The following ALK variants were observed in gnomAD, a reference collection of about 807,000 sequenced individuals.
ALK encodes ALK receptor tyrosine kinase.
A neutral mutation model predicts 163.1 loss-of-function variants in ALK; 74 were observed. The ratio of observed to expected loss-of-function variants is 0.45; its 90% CI spans 0.38 to 0.55. The LOEUF (loss-of-function observed/expected upper bound fraction) is 0.55, where lower values mean the gene tolerates loss of function less well. Among genes scored for constraint, ALK ranks in the 20% least tolerant of loss-of-function variants. The pLI, the probability that ALK is intolerant of heterozygous loss-of-function variation, is 0.00. For synonymous variants in ALK, 960 were observed against 843.2 expected (o/e 1.14, Z -2.40); for missense variants, 2,063 against 2,105.3 (o/e 0.98, Z 0.39).
At chr2:29,513,182 A>G (rs1302028410) in intron 4 of ALK, among the ~76,000 whole-genome samples, 6 of 147,636 alleles carry the variant, frequency 4.1e-5, no homozygotes, top group Admixed American at 6.8e-5. Context: ...AAAAGAGCCC[A>G]CATCGCCAAG....
At chr2:29,310,874 CAG>C (rs1666676796) in intron 8 of ALK, among the ~76,000 whole-genome samples, 1 of 152,168 alleles carries the variant, frequency 6.6e-6, no homozygotes, top group African/African-American at 2.4e-5. Flanking sequence ...CTTTGACACA[CAG>C]GGGATTCTCA....
At position 29,599,841 on chromosome 2, in the gene ALK, C is replaced by T. The variant is rs140830064; in HGVS notation, c.953-67725G>A. On this transcript the variant is annotated intron_variant, in intron 3 of 28. Coordinates refer to ENST00000389048, the MANE Select transcript of ALK (RefSeq NM_004304.5). ...CAAAAGGAACATCAAATGGGCAATA[C>T]GCCAATGCTCTTTGCCTGTAGTAAG... 7.0e-3 allele frequency among the ~76,000 whole-genome samples: 1,067 copies of T among 152,288 alleles called. 11 individuals are homozygous for T. Among genetic ancestry groups the T allele is most frequent in the South Asian group, 0.042 (202 of 4,820 alleles).
rs1573511477 is a variant in ALK at position 29,629,143 on chromosome 2, T to C, written c.952+65707A>G. On this transcript the variant is annotated intron_variant, in intron 3 of 28. Coordinates refer to ENST00000389048, the MANE Select transcript of ALK (RefSeq NM_004304.5). ...GGGTCATATCTAGACCTGAACACCG[T>C]TGGAGACTCGCTTTCCTCACACATG... Among the ~76,000 whole-genome samples, 10 of 152,220 alleles carry C rather than the reference T, an allele frequency of 6.6e-5. No individual in the cohort carries two copies. The South Asian group carries it at 2.1e-3, about 31-fold the overall frequency.
intron 1 of ALK, among the ~76,000 whole-genome samples, chr2:29,811,340 G>A (rs754415245): frequency 2.4e-4 from 37 of 152,082 alleles, no homozygotes; most frequent in Non-Finnish European, 4.4e-4. Context: ...GGTCTCTCCC[G>A]TGAATACTTA....
intron 3 of ALK, among the ~76,000 whole-genome samples, chr2:29,576,796 C>G (rs978853189): frequency 3.3e-5 from 5 of 151,918 alleles, no homozygotes. Flanking sequence ...ACTGCACATT[C>G]GGGGGATCTA....
At chr2:29,468,401 C>A (rs1194482568) in intron 4 of ALK, among the ~76,000 whole-genome samples, 1 of 152,120 alleles carries the variant, frequency 6.6e-6, no homozygotes. Flanking sequence ...ATGCTGAGCA[C>A]TTGGGAGATT....
chr2:29,310,187 T>C (rs1006168768), intron 8 of ALK, among the ~76,000 whole-genome samples: 3 of 152,230 alleles, frequency 2.0e-5, no homozygotes, highest in Middle Eastern at 3.4e-3. Flanking sequence ...ATAGATTTGG[T>C]TGGGGAGTTG....
intron 3 of ALK, among the ~76,000 whole-genome samples, chr2:29,593,007 T>G (rs917281660): frequency 1.3e-5 from 2 of 152,226 alleles, no homozygotes; most frequent in East Asian, 3.8e-4. Flanking sequence ...TGCGGTCATT[T>G]GTTGTGGCAG....
intron 1 of ALK, among the ~76,000 whole-genome samples, chr2:29,836,759 T>C (rs1351517374): frequency 2.0e-5 from 3 of 152,208 alleles, no homozygotes; most frequent in Non-Finnish European, 4.4e-5. Context: ...ACATGGTTGG[T>C]TGGAGAAACC....
At chr2:29,543,861 C>T (rs1042164696) in intron 3 of ALK, among the ~76,000 whole-genome samples, 3 of 152,120 alleles carry the variant, frequency 2.0e-5, no homozygotes, top group African/African-American at 7.2e-5. Context: ...TGATAGTTCT[C>T]TATTTAATAT....
chr2:29,710,919 A>C (rs1679078534), intron 2 of ALK, among the ~76,000 whole-genome samples: 1 of 152,128 alleles, frequency 6.6e-6, no homozygotes, highest in African/African-American at 2.4e-5. Flanking sequence ...TCTTGAAGGC[A>C]TTTCAAATGT....
At chr2:29,775,256 C>T (rs778989217) in intron 1 of ALK, among the ~76,000 whole-genome samples, 1 of 152,184 alleles carries the variant, frequency 6.6e-6, no homozygotes, top group Admixed American at 6.5e-5. Context: ...TCCCTTCCAA[C>T]TCTCAGGTCT....
intron 3 of ALK, among the ~76,000 whole-genome samples, chr2:29,586,789 A>G (rs961239759): frequency 6.6e-6 from 1 of 152,198 alleles, no homozygotes; most frequent in Non-Finnish European, 1.5e-5. Context: ...ACAGGACTCA[A>G]ATTTCACCTT....
intron 11 of ALK, among the ~76,000 whole-genome samples, chr2:29,265,045 A>T (rs1665183757): frequency 6.6e-6 from 1 of 151,876 alleles, no homozygotes; most frequent in East Asian, 1.9e-4. Flanking sequence ...TTTGAGACAG[A>T]GTCTTGCCCT....
At chr2:29,482,447 G>A (rs975204870) in intron 4 of ALK, among the ~76,000 whole-genome samples, 2 of 152,136 alleles carry the variant, frequency 1.3e-5, no homozygotes, top group African/African-American at 4.8e-5. Context: ...CTACATCTGA[G>A]GGAGGAGGTA....
At chr2:29,847,989 T>C (rs1214878744) in intron 1 of ALK, among the ~76,000 whole-genome samples, 1 of 151,988 alleles carries the variant, frequency 6.6e-6, no homozygotes, top group East Asian at 1.9e-4. Context: ...CTCCAAAAAA[T>C]AGGCCCAGCT....
At position 29,880,194 on chromosome 2, in the gene ALK, G is replaced by A. The variant is rs564634992; in HGVS notation, c.667+39799C>T. Among the ~76,000 whole-genome samples, 10 of 152,310 alleles carry A rather than the reference G, an allele frequency of 6.6e-5. No homozygotes were observed. In the South Asian group the frequency reaches 1.9e-3, roughly 28 times the overall value. ...TCTCAGAGAAAATCTTCCCCTGGCT[G>A]CCTTGGGAGGCAGTCTCCTCTCCAT... On this transcript the variant is annotated intron_variant, in intron 1 of 28. Transcript: ENST00000389048.
intron 11 of ALK, among the ~76,000 whole-genome samples, chr2:29,272,232 C>T (rs776333167): frequency 3.3e-5 from 5 of 150,302 alleles, no homozygotes; most frequent in African/African-American, 9.7e-5. Context: ...TCTGCAGCCC[C>T]GTGGTCACAT....
At chr2:29,374,248 CA>C (rs779384577) in intron 5 of ALK, among the ~76,000 whole-genome samples, 3 of 151,996 alleles carry the variant, frequency 2.0e-5, no homozygotes, top group Non-Finnish European at 2.9e-5. Flanking sequence ...TTTAATTTCC[CA>C]AAAAACCTAT....
Sources: allele counts gnomAD v4.1 joint callset (sites outside exome capture counted in the v4.1 genomes callset), GRCh38; gene constraint gnomAD v4.1.1; transcripts MANE v1.5; gene names NCBI Gene and HGNC (gene_info 2026-07-23, HGNC 2026-07-21).